The following SNTG1 variants were observed in gnomAD, a reference collection of about 807,000 sequenced individuals.
SNTG1 encodes the protein gamma-1-syntrophin.
SNTG1 carries 39 observed loss-of-function variants against 74.7 expected under a neutral mutation model. The ratio of observed to expected loss-of-function variants is 0.52; its 90% CI spans 0.40 to 0.68. The LOEUF (loss-of-function observed/expected upper bound fraction) is 0.68. SNTG1 is among the 30% of genes least tolerant of loss of function. SNTG1 has a pLI of 0.00. For synonymous variants in SNTG1, 254 were observed against 217.1 expected, an observed-to-expected ratio of 1.17 and a Z score of -1.49; for missense variants, 685 against 609.5, an observed-to-expected ratio of 1.12 and a Z score of -1.30.
intron 2 of SNTG1, among the ~76,000 whole-genome samples, chr8:50,342,949 C>T (rs1330115678): frequency 6.6e-6 from 1 of 152,070 alleles, no homozygotes. Context: ...GACAAATCCA[C>T]CAGTATCATA....
chr8:49,934,396 G>A (rs74546587), intron 1 of SNTG1, among the ~76,000 whole-genome samples: 7,612 of 151,490 alleles, frequency 0.05, 200 homozygotes, highest in Middle Eastern at 0.096. Context: ...TTATCATGTA[G>A]ACTTTCTTTG....
At chr8:50,641,154 T>C (rs1394395760) in intron 13 of SNTG1, among the ~76,000 whole-genome samples, 1 of 152,182 alleles carries the variant, frequency 6.6e-6, no homozygotes, top group Non-Finnish European at 1.5e-5. Flanking sequence ...CCACATTAAA[T>C]TCATGATCAC....
chr8:50,497,171 C>T (rs2093912208), intron 8 of SNTG1, among the ~76,000 whole-genome samples: 1 of 151,762 alleles, frequency 6.6e-6, no homozygotes, highest in Admixed American at 6.6e-5. Flanking sequence ...ATATTTTTCA[C>T]TTATACTTGA....
chr8:50,562,289 T>C (rs2094493011), intron 12 of SNTG1, among the ~76,000 whole-genome samples: 1 of 152,234 alleles, frequency 6.6e-6, no homozygotes, highest in African/African-American at 2.4e-5. Flanking sequence ...TTAACATTGC[T>C]AATCAGCTGG....
intron 2 of SNTG1, among the ~76,000 whole-genome samples, chr8:50,180,967 T>G (rs1268259017): frequency 6.6e-6 from 1 of 152,124 alleles, no homozygotes; most frequent in African/African-American, 2.4e-5. Context: ...TTTCACCATG[T>G]TGGCCAGTCT....
At chr8:50,377,038 C>CA (rs1469182021) in intron 2 of SNTG1, among the ~76,000 whole-genome samples, 1 of 152,074 alleles carries the variant, frequency 6.6e-6, no homozygotes, top group Non-Finnish European at 1.5e-5. Context: ...CCCAGGCTCA[C>CA]AATGGGTCGG....
At position 50,584,857 on chromosome 8, in the gene SNTG1, C is replaced by G. The variant is rs147949505; in HGVS notation, c.811-6022C>G. Among the ~76,000 whole-genome samples, 1,216 of 152,172 alleles carry G rather than the reference C, an allele frequency of 8.0e-3. 15 individuals carry two copies. Among genetic ancestry groups the G allele is most frequent in the African/African-American group, 0.027 (1,110 of 41,522 alleles). On this transcript the variant is annotated intron_variant, in intron 12 of 18. Coordinates refer to ENST00000642720, the MANE Select transcript of SNTG1 (RefSeq NM_018967.5). Reference sequence around the variant, plus strand: ...ATGAAGTCCCCGCAGATGGAGCTGCCCTTCTGCTGTGTTGTGCTGAACAGC... The same window carrying G: ...ATGAAGTCCCCGCAGATGGAGCTGCGCTTCTGCTGTGTTGTGCTGAACAGC...
At chr8:50,126,563 A>C (rs1309911020) in intron 1 of SNTG1, among the ~76,000 whole-genome samples, 1 of 152,044 alleles carries the variant, frequency 6.6e-6, no homozygotes, top group Non-Finnish European at 1.5e-5. Context: ...ACATTGGGAC[A>C]TGTGTTTTAT....
At chr8:50,033,344 G>A (rs1362931557) in intron 1 of SNTG1, among the ~76,000 whole-genome samples, 3 of 152,104 alleles carry the variant, frequency 2.0e-5, no homozygotes, top group Middle Eastern at 3.4e-3. Flanking sequence ...GGCTGGTCTC[G>A]AACTCGCAAC....
At chr8:49,956,689 T>C (rs1010304799) in intron 1 of SNTG1, among the ~76,000 whole-genome samples, 4 of 152,226 alleles carry the variant, frequency 2.6e-5, no homozygotes, top group African/African-American at 9.7e-5. Flanking sequence ...TTTTTTTTAA[T>C]TTTATTTTGC....
chr8:50,452,912 G>T (rs565909004), intron 8 of SNTG1, among the ~76,000 whole-genome samples: 2 of 152,294 alleles, frequency 1.3e-5, no homozygotes, highest in South Asian at 2.1e-4. Flanking sequence ...GGTATAACAA[G>T]CTGAGAGAAT....
At chr8:50,598,182 C>T (rs2094745017) in intron 13 of SNTG1, among the ~76,000 whole-genome samples, 1 of 151,842 alleles carries the variant, frequency 6.6e-6, no homozygotes, top group African/African-American at 2.4e-5. Flanking sequence ...ATGCTTTCTT[C>T]AAGTGCTTCC....
rs1157176574 is a variant in SNTG1, at chr8:50,464,614, A to C, written c.363+13885A>C. 2.6e-5 allele frequency among the ~76,000 whole-genome samples: 4 copies of C among 151,950 alleles called. No homozygotes were observed. In the East Asian group the frequency reaches 7.8e-4, roughly 30 times the overall value. On this transcript the variant is annotated intron_variant, in intron 8 of 18. Coordinates refer to ENST00000642720, the MANE Select transcript of SNTG1 (RefSeq NM_018967.5). ...CCTATAAATAATTATAATAGCAACA[A>C]CTAAGATCACCGATCATCAAGAGGC...
At chr8:50,785,641 A>G (rs1328091227) in intron 18 of SNTG1, among the ~76,000 whole-genome samples, 1 of 152,074 alleles carries the variant, frequency 6.6e-6, no homozygotes, top group East Asian at 1.9e-4. Context: ...AAAATATAGA[A>G]AAAGGGGAAA....
At chr8:50,439,272 T>A (rs1004274270) in intron 5 of SNTG1, among the ~76,000 whole-genome samples, 10 of 152,166 alleles carry the variant, frequency 6.6e-5, no homozygotes, top group Non-Finnish European at 8.8e-5. Flanking sequence ...ATCTCATGAC[T>A]GCAATGCCTT....
At chr8:50,064,652 C>T (rs1056867607) in intron 1 of SNTG1, among the ~76,000 whole-genome samples, 10 of 152,186 alleles carry the variant, frequency 6.6e-5, no homozygotes, top group South Asian at 2.1e-4. Flanking sequence ...CCTCATTTCT[C>T]CTGAATATGG....
chr8:50,291,469 C>A (rs1286402224), intron 2 of SNTG1, among the ~76,000 whole-genome samples: 2 of 151,914 alleles, frequency 1.3e-5, no homozygotes, highest in Non-Finnish European at 2.9e-5. Context: ...TGTGCACGTG[C>A]CATGTAATGG....
chr8:50,157,747 C>T (rs1252516657), intron 1 of SNTG1, among the ~76,000 whole-genome samples: 1 of 152,056 alleles, frequency 6.6e-6, no homozygotes, highest in African/African-American at 2.4e-5. Flanking sequence ...CAATGTGCAG[C>T]TTCTTGAGAT....
At chr8:50,195,373 G>T (rs1190060640) in intron 2 of SNTG1, among the ~76,000 whole-genome samples, 1 of 151,952 alleles carries the variant, frequency 6.6e-6, no homozygotes, top group Non-Finnish European at 1.5e-5. Flanking sequence ...CTGCCTTCCA[G>T]CTGTGAAAGA....
Sources: allele counts gnomAD v4.1 joint callset (sites outside exome capture counted in the v4.1 genomes callset), GRCh38; gene constraint gnomAD v4.1.1; transcripts MANE v1.5; gene names NCBI Gene and HGNC (gene_info 2026-07-23, HGNC 2026-07-21).